Variants in CNTN3 observed in about 807,000 individuals in gnomAD.
CNTN3 encodes contactin 3.
A neutral mutation model predicts 119.1 loss-of-function variants in CNTN3; 60 were observed. That is an observed-to-expected ratio of 0.50 (90% confidence interval 0.41 to 0.62). The LOEUF is 0.62. Among genes scored for constraint, CNTN3 ranks in the 20% least tolerant of loss-of-function variants. The pLI is 0.00. For synonymous variants in CNTN3, 450 were observed against 438.7 expected (o/e 1.03, Z -0.32); for missense variants, 1,101 against 1,242.4 (o/e 0.89, Z 1.71).
At chr3:74,265,216 C>T (rs1210960187) in intron 22 of CNTN3, among the ~76,000 whole-genome samples, 1 of 151,928 alleles carries the variant, frequency 6.6e-6, no homozygotes, top group African/African-American at 2.4e-5. Flanking sequence ...TAGAGATGGC[C>T]CTGTGTGGTC....
At chr3:74,400,631 A>T (rs1705166579) in intron 5 of CNTN3, among the ~76,000 whole-genome samples, 1 of 152,180 alleles carries the variant, frequency 6.6e-6, no homozygotes, top group African/African-American at 2.4e-5. Flanking sequence ...TGGCACCATG[A>T]CAAAGCCCTT....
intron 13 of CNTN3, among the ~76,000 whole-genome samples, chr3:74,310,954 G>A (rs1198258076): frequency 1.3e-5 from 2 of 152,134 alleles, no homozygotes; most frequent in South Asian, 2.1e-4. Context: ...CAGTTTCTTG[G>A]GATCCTCTTA....
At chr3:74,380,294 C>T (rs555784840) in intron 5 of CNTN3, among the ~76,000 whole-genome samples, 1 of 152,328 alleles carries the variant, frequency 6.6e-6, no homozygotes, top group Admixed American at 6.5e-5. Context: ...TGTAATAGCA[C>T]ATTTTGCACA....
chr3:74,514,408 GC>G (rs1279372125), intron 2 of CNTN3, among the ~76,000 whole-genome samples: 2 of 152,022 alleles, frequency 1.3e-5, no homozygotes, highest in African/African-American at 4.8e-5. Flanking sequence ...TGTTTTTGTA[GC>G]CATTATTAGT....
chr3:74,581,438 C>T (rs908329564), intron 1 of CNTN3, among the ~76,000 whole-genome samples: 3 of 152,132 alleles, frequency 2.0e-5, no homozygotes, highest in Non-Finnish European at 4.4e-5. Flanking sequence ...TACTCCTACA[C>T]TAAAACCCAC....
intron 5 of CNTN3, among the ~76,000 whole-genome samples, chr3:74,372,220 T>C (rs989242604): frequency 1.3e-5 from 2 of 152,062 alleles, no homozygotes; most frequent in Non-Finnish European, 2.9e-5. Context: ...TCCTCCAAAT[T>C]AGCAAAATGA....
At chr3:74,314,083 A>T (rs998585657) in intron 13 of CNTN3, among the ~76,000 whole-genome samples, 8 of 152,188 alleles carry the variant, frequency 5.3e-5, no homozygotes, top group African/African-American at 1.7e-4. Flanking sequence ...AAAAGTCTCC[A>T]CCTTCTAAGA....
Position 74,273,817 on chromosome 3 carries a change from C to T in CNTN3, c.2705-6439G>A, listed in dbSNP as rs1330220612. Among the ~76,000 whole-genome samples the T allele has an allele frequency of 2.0e-5, 3 of 152,116 alleles. No individual in the cohort carries two copies. The South Asian group carries it at 6.2e-4, about 31-fold the overall frequency. On this transcript the variant is annotated intron_variant, in intron 20 of 22. Transcript: ENST00000263665. The stretch of plus-strand genomic sequence containing the variant: ...TGGTTGAGAAGCTTCCTGGCCAGAA[C>T]CTGGGGGAGAGAGTGAATCTGGCGT...
intron 11 of CNTN3, among the ~76,000 whole-genome samples, chr3:74,343,220 C>A (rs1405033860): frequency 6.6e-6 from 1 of 152,200 alleles, no homozygotes; most frequent in African/African-American, 2.4e-5. Context: ...GCCTTCCTGG[C>A]ACAGGCAGAC....
chr3:74,318,957 A>G (rs879675470), intron 13 of CNTN3, among the ~76,000 whole-genome samples: 3 of 152,168 alleles, frequency 2.0e-5, no homozygotes, highest in Non-Finnish European at 2.9e-5. Flanking sequence ...CCAACTTACA[A>G]GGGATATGAA....
intron 13 of CNTN3, among the ~76,000 whole-genome samples, chr3:74,312,807 T>C (rs1702725696): frequency 6.6e-6 from 1 of 151,990 alleles, no homozygotes; most frequent in Non-Finnish European, 1.5e-5. Flanking sequence ...AAGGCAAAAA[T>C]ACATAGTTTG....
chr3:74,475,616 G>A (rs963942296), intron 4 of CNTN3, among the ~76,000 whole-genome samples: 22 of 152,158 alleles, frequency 1.4e-4, no homozygotes, highest in African/African-American at 4.8e-4. Flanking sequence ...TAGAAGGAAC[G>A]GTGGAAATGA....
At chr3:74,550,407 T>C (rs1423679584) in intron 1 of CNTN3, among the ~76,000 whole-genome samples, 46 of 152,216 alleles carry the variant, frequency 3.0e-4, no homozygotes, top group Admixed American at 3.0e-3. Context: ...TGTGAAGTTC[T>C]TAGTTTCAAA....
At chr3:74,377,392 C>G (rs1419326573) in intron 5 of CNTN3, among the ~76,000 whole-genome samples, 3 of 152,044 alleles carry the variant, frequency 2.0e-5, no homozygotes, top group African/African-American at 7.2e-5. Context: ...TACGGTAATA[C>G]TATCATATCA....
chr3:74,581,401 T>C (rs1704503322), intron 1 of CNTN3, among the ~76,000 whole-genome samples: 1 of 152,068 alleles, frequency 6.6e-6, no homozygotes, highest in South Asian at 2.1e-4. Context: ...AAACATCACA[T>C]AACCAGGAAT....
At chr3:74,496,343 C>A (rs768950559) in intron 3 of CNTN3, among the ~76,000 whole-genome samples, 5 of 151,988 alleles carry the variant, frequency 3.3e-5, no homozygotes, top group Non-Finnish European at 5.9e-5. Flanking sequence ...TTGGTAATAC[C>A]GGACCAGGAT....
intron 5 of CNTN3, among the ~76,000 whole-genome samples, chr3:74,390,112 A>G (rs1394024032): frequency 6.6e-6 from 1 of 152,198 alleles, no homozygotes; most frequent in Non-Finnish European, 1.5e-5. Flanking sequence ...TGACCTTCAA[A>G]AGATACTCTA....
chr3:74,574,600 C>T (rs1704384696), intron 1 of CNTN3, among the ~76,000 whole-genome samples: 1 of 152,174 alleles, frequency 6.6e-6, no homozygotes, highest in Admixed American at 6.5e-5. Flanking sequence ...AAGCACTACC[C>T]ATGGAAGTCA....
intron 4 of CNTN3, among the ~76,000 whole-genome samples, chr3:74,468,245 T>A (rs765408309): frequency 1.3e-5 from 2 of 152,214 alleles, no homozygotes; most frequent in African/African-American, 2.4e-5. Flanking sequence ...AAAAACAACA[T>A]TTACAGATGT....
Sources: gnomAD v4.1 joint callset for allele counts (sites outside exome capture counted in the v4.1 genomes callset) on GRCh38, gnomAD v4.1.1 for gene constraint, MANE v1.5 for transcripts, NCBI Gene and HGNC (gene_info 2026-07-23, HGNC 2026-07-21) for gene names.